Variants in SMAD5 observed in about 807,000 individuals in gnomAD.
The protein encoded by SMAD5 is SMAD family member 5.
A neutral mutation model predicts 43.1 loss-of-function variants in SMAD5; 9 were observed. The ratio of observed to expected loss-of-function variants is 0.21; its 90% CI spans 0.13 to 0.36. The LOEUF is 0.36. Among genes scored for constraint, SMAD5 ranks in the 10% least tolerant of loss-of-function variants. The pLI is 1.00. For synonymous variants in SMAD5, 190 were observed against 192.4 expected, an observed-to-expected ratio of 0.99 and a Z score of 0.10; for missense variants, 348 against 574.0, an observed-to-expected ratio of 0.61 and a Z score of 4.02.
intron 3 of SMAD5, among the ~76,000 whole-genome samples, chr5:136,155,774 G>T (rs1220533805): frequency 1.3e-5 from 2 of 152,070 alleles, no homozygotes; most frequent in African/African-American, 2.4e-5. Flanking sequence ...TATTTATTTT[G>T]TTTATTGACT....
At chr5:136,137,604 G>A (rs545948769) in intron 1 of SMAD5, among the ~76,000 whole-genome samples, 1 of 152,226 alleles carries the variant, frequency 6.6e-6, no homozygotes, top group East Asian at 1.9e-4. Context: ...CTATCTGGTA[G>A]GCTGTACAAC....
chr5:136,139,126 C>G (rs921555907), intron 1 of SMAD5, among the ~76,000 whole-genome samples: 3 of 139,872 alleles, frequency 2.1e-5, no homozygotes, highest in Non-Finnish European at 1.5e-5. Context: ...TAGCTGTGAG[C>G]TCTGTGTGTG....
At chr5:136,141,648 T>G (rs936021474) in intron 1 of SMAD5, among the ~76,000 whole-genome samples, 2 of 152,204 alleles carry the variant, frequency 1.3e-5, no homozygotes, top group Non-Finnish European at 2.9e-5. Flanking sequence ...GCTCAATAAG[T>G]GTTTAATGAT....
intron 1 of SMAD5, among the ~76,000 whole-genome samples, chr5:136,144,678 T>C (rs1753201005): frequency 1.3e-5 from 2 of 151,508 alleles, no homozygotes; most frequent in Admixed American, 1.3e-4. Context: ...GTATGTTAGG[T>C]GGCTCAGGAT....
intron 5 of SMAD5, among the ~76,000 whole-genome samples, chr5:136,164,359 A>G (rs879777695): frequency 2.6e-5 from 4 of 152,224 alleles, no homozygotes; most frequent in Non-Finnish European, 4.4e-5. Flanking sequence ...CATTCTCACC[A>G]GCAAAGTATG....
intron 1 of SMAD5, among the ~76,000 whole-genome samples, chr5:136,145,108 A>G (rs956961098): frequency 7.4e-6 from 1 of 135,370 alleles, no homozygotes; most frequent in Non-Finnish European, 1.6e-5. Context: ...TATTTCTTCT[A>G]AGATGTAATT....
intron 3 of SMAD5, 58 bp downstream of exon 3, chr5:136,154,221 G>A: frequency 9.7e-7 from 1 of 1,031,498 alleles, no homozygotes; most frequent in Non-Finnish European, 1.3e-6. Flanking sequence ...CTCTCTTCCT[G>A]ATATGCATGT....
intron 2 of SMAD5, among the ~76,000 whole-genome samples, chr5:136,148,352 C>G (rs538949218): frequency 1.3e-5 from 2 of 151,600 alleles, no homozygotes; most frequent in African/African-American, 4.8e-5. Context: ...ACCCTCCTCC[C>G]GAACAAAGAA....
chr5:136,137,077 A>G (rs1752909366), intron 1 of SMAD5, among the ~76,000 whole-genome samples: 2 of 120,162 alleles, frequency 1.7e-5, no homozygotes, highest in African/African-American at 6.5e-5. Flanking sequence ...GCCCAGTTCT[A>G]GTAGAGTGGT....
chr5:136,171,867 C>T (rs1296352730), intron 5 of SMAD5, among the ~76,000 whole-genome samples: 1 of 152,102 alleles, frequency 6.6e-6, no homozygotes, highest in Non-Finnish European at 1.5e-5. Context: ...TATTGAATCT[C>T]CCTAAAATTC....
At position 136,153,746 on chromosome 5, in the gene SMAD5, G is replaced by A. The variant is rs3756691; in HGVS notation, c.-15G>A. On this transcript the variant is annotated 5_prime_UTR_variant, in exon 3 of 8. Coordinates refer to ENST00000545279, the MANE Select transcript of SMAD5 (RefSeq NM_005903.7). The stretch of plus-strand genomic sequence containing the variant: ...GACTTTGAGTTACAGGAAGGTCTCC[G>A]AAGATTTGTGTCAAATGACGTCAAT... 1.1e-3 allele frequency: 1,776 copies of A among 1,588,738 alleles called. 35 individuals are homozygous for A. The East Asian group carries it at 0.034, about 30-fold the overall frequency.
intron 1 of SMAD5, chr5:136,134,056 T>TGGGGG: frequency 3.3e-5 from 1 of 30,454 alleles, no homozygotes; most frequent in Non-Finnish European, 7.1e-5. Context: ...GGGGGGGGTG[T>TGGGGG]TGCGGGGGGA....
intron 2 of SMAD5, among the ~76,000 whole-genome samples, chr5:136,149,823 AT>A (rs1321377964): frequency 1.3e-5 from 2 of 151,852 alleles, no homozygotes; most frequent in East Asian, 3.9e-4. Context: ...GTCATTCCAT[AT>A]TTAAAGAGTT....
At chr5:136,143,794 A>AG (rs1260804858) in intron 1 of SMAD5, among the ~76,000 whole-genome samples, 2 of 151,880 alleles carry the variant, frequency 1.3e-5, no homozygotes, top group African/African-American at 2.4e-5. Flanking sequence ...TTTGCAGGGG[A>AG]GGGGTAGAAT....
rs562447695 is a variant in SMAD5, at chr5:136,140,665, C to G, written c.-244-7167C>G. Among the ~76,000 whole-genome samples the G allele has an allele frequency of 2.0e-5, 3 of 152,086 alleles. No individual in the cohort carries two copies. The South Asian group carries it at 6.3e-4, about 32-fold the overall frequency. On this transcript the variant is annotated intron_variant, in intron 1 of 7. Transcript: ENST00000545279. ...TTCTTGGTGAGACCCAGCCCAGCCA[C>G]CCTGTTTAAAATTACACCTCTCTTC...
intron 7 of SMAD5, among the ~76,000 whole-genome samples, chr5:136,175,226 CAT>C (rs1160936373): frequency 6.6e-6 from 1 of 152,186 alleles, no homozygotes; most frequent in East Asian, 1.9e-4. Flanking sequence ...CTTTCCACAA[CAT>C]GTGGGAATTA....
At chr5:136,176,336 T>C (rs1754413748) in intron 7 of SMAD5, among the ~76,000 whole-genome samples, 1 of 151,296 alleles carries the variant, frequency 6.6e-6, no homozygotes, top group Non-Finnish European at 1.5e-5. Context: ...GTGCCTGTAA[T>C]CCCAGCTACT....
intron 1 of SMAD5, among the ~76,000 whole-genome samples, chr5:136,139,093 T>C (rs1285857045): frequency 6.6e-6 from 1 of 151,964 alleles, no homozygotes; most frequent in African/African-American, 2.4e-5. Context: ...AAGAGTTGTT[T>C]CTGTGAATTC....
intron 2 of SMAD5, among the ~76,000 whole-genome samples, chr5:136,151,579 CT>C (rs2149767207): frequency 6.6e-6 from 1 of 152,086 alleles, no homozygotes; most frequent in East Asian, 1.9e-4. Flanking sequence ...AGCCAAGGGC[CT>C]GATCATGTAT....
Sources: allele counts gnomAD v4.1 joint callset (sites outside exome capture counted in the v4.1 genomes callset), GRCh38; gene constraint gnomAD v4.1.1; transcripts MANE v1.5; gene names NCBI Gene and HGNC (gene_info 2026-07-23, HGNC 2026-07-21).